Variants in FHIT observed in about 807,000 individuals in gnomAD.
FHIT encodes the protein fragile histidine triad diadenosine triphosphatase.
In FHIT, 19 loss-of-function variants were observed where a neutral mutation model predicts 17.9. The observed-to-expected ratio is 1.06, with a 90% CI of 0.74 to 1.56. FHIT has a LOEUF of 1.56. Ranked by LOEUF, FHIT falls within the 40% of genes most tolerant of loss-of-function variation. The pLI, the probability that FHIT is intolerant of heterozygous loss-of-function variation, is 0.00. For synonymous variants in FHIT, 81 were observed against 69.7 expected (o/e 1.16, Z -0.81); for missense variants, 248 against 189.2 (o/e 1.31, Z -1.82).
intron 4 of FHIT, chr3:60,537,600 G>A (rs1325435436): frequency 4.6e-6 from 1 of 216,748 alleles, no homozygotes; most frequent in Non-Finnish European, 7.9e-6. Flanking sequence ...GTTGTAACAG[G>A]GCCACAAAGC....
intron 7 of FHIT, among the ~76,000 whole-genome samples, chr3:59,941,414 A>C (rs942109828): frequency 6.6e-6 from 1 of 151,854 alleles, no homozygotes; most frequent in East Asian, 1.9e-4. Flanking sequence ...ATTGCTCTAC[A>C]TTATGATCTC....
At chr3:59,846,776 T>TTTATTTATTAGATTTTA in intron 8 of FHIT, among the ~76,000 whole-genome samples, 1 of 152,324 alleles carries the variant, frequency 6.6e-6, no homozygotes, top group Middle Eastern at 3.4e-3. Flanking sequence ...CTAATAAATT[T>TTTATTTATTAGATTTTA]TCTCAGGTTT....
intron 3 of FHIT, among the ~76,000 whole-genome samples, chr3:61,009,582 T>C (rs539809168): frequency 4.6e-5 from 7 of 152,326 alleles, no homozygotes; most frequent in African/African-American, 1.7e-4. Context: ...TGCCTACTCC[T>C]GCCCCACTGC....
At chr3:60,027,704 T>C (rs61195801) in intron 5 of FHIT, among the ~76,000 whole-genome samples, 1,854 of 145,632 alleles carry the variant, frequency 0.013, 37 homozygotes, top group African/African-American at 0.046. Flanking sequence ...GAATCTCTTC[T>C]GGTTCCATTT....
intron 5 of FHIT, among the ~76,000 whole-genome samples, chr3:60,114,488 CCTTTTTTTTTTT>C (rs1376182880): frequency 5.5e-4 from 33 of 59,480 alleles, no homozygotes; most frequent in African/African-American, 2.4e-3. Flanking sequence ...CAAGAGAAAT[CCTTTTTTTTTTT>C]TTTTTTTTTT....
At chr3:60,095,533 TG>T (rs1375064392) in intron 5 of FHIT, among the ~76,000 whole-genome samples, 1 of 152,212 alleles carries the variant, frequency 6.6e-6, no homozygotes, top group African/African-American at 2.4e-5. Flanking sequence ...CTTTCTGATT[TG>T]ATTTAAAAAC....
intron 5 of FHIT, among the ~76,000 whole-genome samples, chr3:60,472,058 C>G (rs567744210): frequency 6.6e-6 from 1 of 151,998 alleles, no homozygotes; most frequent in Admixed American, 6.5e-5. Flanking sequence ...ACAATGTTCA[C>G]TATTCAAGTG....
intron 5 of FHIT, among the ~76,000 whole-genome samples, chr3:60,444,129 C>A (rs1011791285): frequency 5.3e-5 from 8 of 152,114 alleles, no homozygotes; most frequent in Non-Finnish European, 1.0e-4. Flanking sequence ...AAATGCAAAT[C>A]AAAACCACAG....
At chr3:60,570,225 T>A (rs1411840403) in intron 4 of FHIT, among the ~76,000 whole-genome samples, 1 of 152,090 alleles carries the variant, frequency 6.6e-6, no homozygotes, top group African/African-American at 2.4e-5. Flanking sequence ...AAAGAGGAGA[T>A]GTTCAGCAGA....
Position 60,384,997 on chromosome 3 carries a change from G to GA in FHIT, c.103+151862dup, listed in dbSNP as rs1488272258. On this transcript the variant is annotated intron_variant, in intron 5 of 9. Transcript: ENST00000492590. ...AGTAATAGGCATGGCCTTCTAAGCAGAAAAAATATATTATGGCAAGGAAAA... is the reference window on the plus strand; with the variant it reads ...AGTAATAGGCATGGCCTTCTAAGCAGAAAAAAATATATTATGGCAAGGAAAA... Among the ~76,000 whole-genome samples the GA allele has an allele frequency of 6.6e-5, 10 of 152,114 alleles. No homozygotes were observed. In the South Asian group the frequency reaches 1.7e-3, roughly 25 times the overall value.
At chr3:60,181,145 A>ATT (rs199935934) in intron 5 of FHIT, among the ~76,000 whole-genome samples, 1,600 of 125,556 alleles carry the variant, frequency 0.013, 27 homozygotes, top group Middle Eastern at 0.081. Flanking sequence ...AATTTTTTTA[A>ATT]TTTTTTTTTT....
At chr3:61,238,429 C>T (rs1238201829) in intron 1 of FHIT, among the ~76,000 whole-genome samples, 2 of 152,214 alleles carry the variant, frequency 1.3e-5, no homozygotes, top group Non-Finnish European at 2.9e-5. Flanking sequence ...GCAGGGGAGA[C>T]AGCCATCAGC....
intron 4 of FHIT, among the ~76,000 whole-genome samples, chr3:60,573,731 C>G (rs1409016884): frequency 6.6e-6 from 1 of 152,112 alleles, no homozygotes; most frequent in African/African-American, 2.4e-5. Context: ...TGGATTCTGA[C>G]ATTTCTTCCT....
chr3:60,353,206 A>G lies in FHIT; in HGVS notation c.103+183654T>C, dbSNP rs576577289. On this transcript the variant is annotated intron_variant, in intron 5 of 9. Coordinates refer to ENST00000492590, the MANE Select transcript of FHIT (RefSeq NM_002012.4). ...AGCCAAAAATTCAGACCCATTTACCATGAAGCTGAATCCTCCACTGCTTCT... is the reference window on the plus strand; with the variant it reads ...AGCCAAAAATTCAGACCCATTTACCGTGAAGCTGAATCCTCCACTGCTTCT... Among the ~76,000 whole-genome samples the G allele has an allele frequency of 3.0e-4, 46 of 152,250 alleles. No homozygotes were observed. In the South Asian group the frequency reaches 4.4e-3, roughly 14 times the overall value.
chr3:61,060,026 C>A (rs958885520), intron 2 of FHIT, among the ~76,000 whole-genome samples: 1 of 152,046 alleles, frequency 6.6e-6, no homozygotes, highest in Non-Finnish European at 1.5e-5. Flanking sequence ...GTGGGTCCTG[C>A]AATGGGATGA....
intron 5 of FHIT, among the ~76,000 whole-genome samples, chr3:60,519,613 G>A (rs1232807880): frequency 6.6e-6 from 1 of 152,012 alleles, no homozygotes; most frequent in Non-Finnish European, 1.5e-5. Context: ...AAACCATAAG[G>A]AAGAGAAAAG....
intron 5 of FHIT, among the ~76,000 whole-genome samples, chr3:60,135,310 T>C (rs1370053703): frequency 6.6e-6 from 1 of 152,052 alleles, no homozygotes; most frequent in African/African-American, 2.4e-5. Context: ...AGCATAAATA[T>C]AAGATTATAG....
intron 4 of FHIT, among the ~76,000 whole-genome samples, chr3:60,605,581 CATTT>C (rs1317737075): frequency 1.4e-4 from 22 of 152,172 alleles, no homozygotes; most frequent in Non-Finnish European, 1.5e-5. Context: ...TCTTTTCATT[CATTT>C]GTTTATCTCC....
chr3:60,098,495 T>C (rs1704059419), intron 5 of FHIT, among the ~76,000 whole-genome samples: 1 of 152,132 alleles, frequency 6.6e-6, no homozygotes, highest in Non-Finnish European at 1.5e-5. Context: ...CATGTGTTTT[T>C]TGGCTGCATA....
Sources: allele counts gnomAD v4.1 joint callset (sites outside exome capture counted in the v4.1 genomes callset), GRCh38; gene constraint gnomAD v4.1.1; transcripts MANE v1.5; gene names NCBI Gene and HGNC (gene_info 2026-07-23, HGNC 2026-07-21).